The following SHCBP1 variants were observed in gnomAD, a reference collection of about 807,000 sequenced individuals.
SHCBP1 encodes the protein SHC SH2 domain-binding protein 1.
Under a neutral mutation model 75.1 loss-of-function variants are expected in SHCBP1, and 60 were observed. The observed-to-expected ratio is 0.80, with a 90% CI of 0.65 to 0.99. SHCBP1 has a LOEUF of 0.99. SHCBP1 is among the 50% of genes least tolerant of loss of function. The pLI, the probability that SHCBP1 is intolerant of heterozygous loss-of-function variation, is 0.00. For missense variants in SHCBP1, 709 were observed against 809.4 expected, an observed-to-expected ratio of 0.88 and a Z score of 1.50; for synonymous variants, 290 against 293.2, an observed-to-expected ratio of 0.99 and a Z score of 0.11.
At chr16:46,602,682 G>C (rs577636943) in intron 8 of SHCBP1, among the ~76,000 whole-genome samples, 3 of 152,312 alleles carry the variant, frequency 2.0e-5, no homozygotes, top group Admixed American at 2.0e-4. Flanking sequence ...CCAGGCTGAA[G>C]CATAGTAGTA....
chr16:46,587,535 T>C, intron 10 of SHCBP1, among the ~76,000 whole-genome samples: 1 of 152,100 alleles, frequency 6.6e-6, no homozygotes, highest in Non-Finnish European at 1.5e-5. Flanking sequence ...AAACAGAATA[T>C]AGGCAAGTTG....
Position 46,621,321 on chromosome 16 carries a change from T to TGCCTCCAGACCGCC in SHCBP1, c.25_38dup (p.Ala15ValfsTer81), listed in dbSNP as rs761635733. The TGCCTCCAGACCGCC allele has an allele frequency of 1.2e-6, 2 of 1,611,444 alleles. No individual in the cohort carries two copies. Among genetic ancestry groups the TGCCTCCAGACCGCC allele is most frequent in the South Asian group, 1.1e-5 (1 of 91,008 alleles). ...CCATGCGCTCCGGCGCCATGGCCGC[T>TGCCTCCAGACCGCC]GCCTCCAGACCGCCGCCCGTCAGCG... On this transcript the variant is annotated frameshift_variant, in exon 1 of 13. Transcript: ENST00000303383. LOFTEE classifies it high-confidence loss of function.
intron 10 of SHCBP1, among the ~76,000 whole-genome samples, chr16:46,589,614 T>G (rs1414312437): frequency 6.6e-6 from 1 of 152,036 alleles, no homozygotes; most frequent in African/African-American, 2.4e-5. Context: ...ATCCAACTTA[T>G]AAGGGATGTG....
chr16:46,611,739 A>T (rs1295356075), intron 4 of SHCBP1, among the ~76,000 whole-genome samples: 2 of 152,226 alleles, frequency 1.3e-5, no homozygotes, highest in Non-Finnish European at 2.9e-5. Flanking sequence ...ACCTACCAAC[A>T]ACAGTAACTG....
At chr16:46,600,870 G>A (rs372390881) in intron 8 of SHCBP1, among the ~76,000 whole-genome samples, 5 of 150,436 alleles carry the variant, frequency 3.3e-5, no homozygotes, top group South Asian at 4.2e-4. Flanking sequence ...AAAATTAGCC[G>A]AGTGTGGCAT....
chr16:46,578,794 G>A lies in SHCBP1; in HGVS notation c.*2935C>T, dbSNP rs976317944. Among the ~76,000 whole-genome samples the A allele has an allele frequency of 4.6e-5, 7 of 152,048 alleles. No homozygotes were observed. The highest frequency in any genetic ancestry group is 1.7e-4 in the African/African-American group (7 of 41,392). The stretch of plus-strand genomic sequence containing the variant: ...AATTTATTTCAACTTAATTTCCATA[G>A]AAGCCTGTGGAATGTACTTCCTAGA... On this transcript the variant is annotated 3_prime_UTR_variant, in exon 13 of 13. Coordinates refer to ENST00000303383, the MANE Select transcript of SHCBP1 (RefSeq NM_024745.5).
intron 10 of SHCBP1, among the ~76,000 whole-genome samples, chr16:46,585,449 T>TCC (rs1964941767): frequency 1.3e-5 from 2 of 152,116 alleles, no homozygotes; most frequent in Non-Finnish European, 2.9e-5. Flanking sequence ...GTAAGTTCCT[T>TCC]TCTTTTTGCT....
In SHCBP1 at chr16:46,599,873, C is replaced by T. The variant is rs151148850; in HGVS notation, c.1303G>A (p.Gly435Ser). The T allele has an allele frequency of 3.7e-6, 6 of 1,611,738 alleles. No individual in the cohort carries two copies. The African/African-American group carries it at 8.0e-5, about 22-fold the overall frequency. Residue 435 changes from glycine (G) to serine (S), a missense_variant, in exon 9 of 13, where the codon GGC (glycine) becomes AGC (serine). Physicochemically the swap from Gly to Ser is moderately conservative, Grantham distance 56. Transcript: ENST00000303383. ...GCATCATGCTGAACAAATTTTATGC[C>T]TGAGATTTTAATATCAGCACCAGTG... Reference protein sequence around the residue: ...DCTGADIKISGIKFVQHDAVE... With the variant: ...DCTGADIKISSIKFVQHDAVE...
At chr16:46,609,442 CTTTTTTTTTT>C (rs71158875) in intron 4 of SHCBP1, among the ~76,000 whole-genome samples, 12 of 61,306 alleles carry the variant, frequency 2.0e-4, no homozygotes, top group Admixed American at 5.5e-4. Context: ...CTTTTCTTTT[CTTTTTTTTTT>C]TTTTTTTTTT....
chr16:46,615,214 A>G (rs952750069), intron 4 of SHCBP1, among the ~76,000 whole-genome samples: 2 of 152,240 alleles, frequency 1.3e-5, no homozygotes, highest in African/African-American at 4.8e-5. Context: ...AATACACATA[A>G]CATAGAAAAT....
At chr16:46,590,113 T>C (rs373980938) in intron 10 of SHCBP1, among the ~76,000 whole-genome samples, 2 of 152,102 alleles carry the variant, frequency 1.3e-5, no homozygotes, top group Non-Finnish European at 2.9e-5. Context: ...AACTGGCTAG[T>C]CATATGTAGA....
chr16:46,584,974 G>A (rs1046264758), intron 10 of SHCBP1, among the ~76,000 whole-genome samples: 1 of 152,116 alleles, frequency 6.6e-6, no homozygotes, highest in Non-Finnish European at 1.5e-5. Flanking sequence ...CTGTACATAT[G>A]CCTGAACCAT....
In SHCBP1 at chr16:46,609,954, AT is replaced by A. The variant is rs77526846; in HGVS notation, c.597-1566del. ...TCCTCCCCCACCATCTTGATATTGG[AT>A]TTTTTTTTTTTTCAGATGGAGTTTT... is the stretch of plus-strand genomic sequence containing the variant. On this transcript the variant is annotated intron_variant, in intron 4 of 12. Transcript: ENST00000303383. Among the ~76,000 whole-genome samples, 576 of 138,558 alleles carry A rather than the reference AT, an allele frequency of 4.2e-3. 3 individuals are homozygous for A. Among genetic ancestry groups the A allele is most frequent in the African/African-American group, 0.012 (461 of 37,292 alleles). The allele number at this position is 138,558 out of a possible 152,430, so 90.9% of individuals were successfully genotyped here.
chr16:46,618,177 A>C, intron 2 of SHCBP1, 28 bp downstream of exon 2: 1 of 730,572 alleles, frequency 1.4e-6, no homozygotes, highest in Non-Finnish European at 1.9e-6. Flanking sequence ...ACTCCATCTC[A>C]AAAAAAAAAA....
intron 4 of SHCBP1, 96 bp downstream of exon 4, chr16:46,615,850 T>C (rs1965487772): frequency 2.4e-5 from 26 of 1,065,932 alleles, no homozygotes; most frequent in Non-Finnish European, 3.6e-5. Flanking sequence ...AAGTTTACAG[T>C]TGAGTTTTAA....
intron 1 of SHCBP1, among the ~76,000 whole-genome samples, chr16:46,620,062 T>A (rs941278816): frequency 6.6e-6 from 1 of 152,030 alleles, no homozygotes; most frequent in Non-Finnish European, 1.5e-5. Context: ...AAATAAAAAA[T>A]AAAGTGTGTA....
intron 11 of SHCBP1, 146 bp from the exon 12 acceptor site, chr16:46,583,803 C>CAATGGGATCCATCACTGCAAGGA: frequency 9.7e-7 from 1 of 1,032,126 alleles, no homozygotes. Flanking sequence ...CCCTTAGTGA[C>CAATGGGATCCATCACTGCAAGGA]ACAGCTTTCC....
chr16:46,601,318 A>G (rs746878149), intron 8 of SHCBP1, among the ~76,000 whole-genome samples: 3 of 152,206 alleles, frequency 2.0e-5, no homozygotes, highest in Admixed American at 6.5e-5. Flanking sequence ...CAAAAAAACA[A>G]AAACAAAAAA....
chr16:46,603,505 T>C (rs1343069778), intron 8 of SHCBP1, 34 bp downstream of exon 8: 2 of 1,613,346 alleles, frequency 1.2e-6, no homozygotes, highest in South Asian at 2.2e-5. Flanking sequence ...ACATATCACG[T>C]GTGAGAGTTT....
Sources: gnomAD v4.1 joint callset for allele counts (sites outside exome capture counted in the v4.1 genomes callset) on GRCh38, gnomAD v4.1.1 for gene constraint, MANE v1.5 for transcripts, NCBI Gene and HGNC (gene_info 2026-07-23, HGNC 2026-07-21) for gene names.